The following VPS13C variants were observed in gnomAD, a reference collection of about 807,000 sequenced individuals.
The protein encoded by VPS13C is intermembrane lipid transfer protein VPS13C.
In VPS13C, 358 loss-of-function variants were observed where a neutral mutation model predicts 456.8. The observed-to-expected ratio is 0.78, with a 90% CI of 0.72 to 0.86. VPS13C has a LOEUF of 0.86. Among genes scored for constraint, VPS13C ranks in the 40% least tolerant of loss-of-function variants. The pLI is 0.00. For missense variants in VPS13C, 4,818 were observed against 4,385.4 expected (o/e 1.10, Z -2.79); for synonymous variants, 1,578 against 1,486.7 (o/e 1.06, Z -1.41).
At chr15:61,854,706 A>G in intron 84 of VPS13C, 148 bp from the exon 85 acceptor site, 1 of 1,032,746 alleles carries the variant, frequency 9.7e-7, no homozygotes. Context: ...TCATATAAAA[A>G]TAAGACCCTT....
At chr15:61,941,349 C>T (rs903056749) in intron 46 of VPS13C, among the ~76,000 whole-genome samples, 3 of 151,948 alleles carry the variant, frequency 2.0e-5, no homozygotes, top group Non-Finnish European at 4.4e-5. Context: ...CTAATCCTTT[C>T]GATAACTCAC....
rs1188297798 is a variant in VPS13C, at chr15:62,013,977, A to G, written c.700T>C (p.Trp234Arg). 1.9e-6 allele frequency: 3 copies of G among 1,610,498 alleles called. No individual in the cohort carries two copies. In the Admixed American group the frequency reaches 5.0e-5, roughly 27 times the overall value. ...GCTTCATTTAATATGCATGGAGTCC[A>G]GTGTTCATTTGCAGTCTAAAAGAAA... ...ELSLLTANEH[W>R]TPCILNEADK... The change falls in exon 10 of 85, where the codon TGG (tryptophan) becomes CGG (arginine). Residue 234 changes from tryptophan to arginine, a missense_variant. Physicochemically the swap from Trp to Arg is moderately radical, Grantham distance 101. This residue lies in a region of VPS13C where 4,552 missense variants were observed against 4,130.6 expected (regional missense o/e 1.10). Transcript: ENST00000644861.
chr15:61,980,212 AAGAG>A (rs1567069459), intron 22 of VPS13C, among the ~76,000 whole-genome samples: 2 of 139,710 alleles, frequency 1.4e-5, no homozygotes, highest in African/African-American at 5.1e-5. Flanking sequence ...AAAAAAAAAA[AAGAG>A]AGAGAGAGAT....
intron 82 of VPS13C, among the ~76,000 whole-genome samples, chr15:61,859,859 A>G (rs62009074): frequency 0.068 from 10,361 of 151,992 alleles, 395 homozygotes; most frequent in Non-Finnish European, 0.08. Flanking sequence ...AAGTCTGCTC[A>G]ATAATGAATT....
chr15:61,936,703 T>C lies in VPS13C; in HGVS notation c.5649A>G (p.Leu1883=), dbSNP rs1257066092. The C allele has an allele frequency of 1.9e-6, 3 of 1,613,668 alleles. No homozygotes were observed. Among genetic ancestry groups the C allele is most frequent in the Non-Finnish European group, 2.5e-6 (3 of 1,179,816 alleles). Reference sequence around the variant, plus strand: ...GTGAGGAAGCTTCTCCAAGATTTTCTAGCAAAATTTTCATTAAAACTGTCA... The same window carrying C: ...GTGAGGAAGCTTCTCCAAGATTTTCCAGCAAAATTTTCATTAAAACTGTCA... ...DDLTVLMKIL[L]ENLGEASSQP... is the part of the protein sequence containing the mutation. Residue 1883 remains leucine (L), a synonymous_variant, in exon 48 of 85, where the codon CTA becomes CTG. Transcript: ENST00000644861.
In VPS13C at chr15:61,940,726, G is replaced by C; in HGVS notation, c.5522C>G (p.Ser1841Cys). 1 of 1,613,710 alleles carries C rather than the reference G, an allele frequency of 6.2e-7. No individual in the cohort carries two copies. Among genetic ancestry groups the C allele is most frequent in the South Asian group, 1.1e-5 (1 of 90,980 alleles). The change falls in exon 47 of 85, where the codon TCC becomes TGC. Residue 1841 changes from serine (S) to cysteine (C), a missense_variant. By Grantham distance (112) the Ser-to-Cys change is moderately radical. Coordinates refer to ENST00000644861, the MANE Select transcript of VPS13C (RefSeq NM_020821.3). Reference protein sequence around the residue: ...EILKPVNMLLSIQRNLAAAWY... With the variant: ...EILKPVNMLLCIQRNLAAAWY... ...TGCTGCTGCTAAGTTTCGCTGTATG[G>C]ACAAAAGCATGTTGACTGGTTTTAA...
At position 61,942,031 on chromosome 15, in the gene VPS13C, A is replaced by C. The variant is rs370438226; in HGVS notation, c.5185T>G (p.Leu1729Val). The C allele has an allele frequency of 7.9e-5, 127 of 1,606,898 alleles. No homozygotes were observed. Among genetic ancestry groups the C allele is most frequent in the Middle Eastern group, 5.0e-4 (3 of 6,044 alleles). ...GCAGCCTGGACTGTGGCTGTACTCA[A>C]AGCTTCTTTAGCAGTTTGGAAATTG... ...LNNFQTAKEA[L>V]STATVQAAER... Residue 1729 changes from leucine to valine, a missense_variant, in exon 46 of 85, where the codon TTG (leucine) becomes GTG (valine). Leu to Val is a conservative substitution (Grantham distance 32, BLOSUM62 1). Coordinates refer to ENST00000644861, the MANE Select transcript of VPS13C (RefSeq NM_020821.3).
rs1893800683 is a variant in VPS13C at position 61,854,492 on chromosome 15, A to T, written c.11227T>A (p.Ser3743Thr). 2 of 1,614,168 alleles carry T rather than the reference A, an allele frequency of 1.2e-6. No individual in the cohort carries two copies. Among genetic ancestry groups the T allele is most frequent in the African/African-American group, 2.7e-5 (2 of 75,054 alleles). Residue 3743 changes from serine to threonine, a missense_variant, in exon 85 of 85, where the codon TCA becomes ACA. Transcript: ENST00000644861. ...RQQQKLMKQS[S>T]VRLLRPQLPS The stretch of plus-strand genomic sequence containing the variant: ...AATTGGGGTCTGAGAAGTCTCACTG[A>T]TGACTGCTTCATCAATTTTTGCTGC...
chr15:61,972,799 A>C, intron 26 of VPS13C, 35 bp from the exon 27 acceptor site: 1 of 1,569,744 alleles, frequency 6.4e-7, no homozygotes, highest in Non-Finnish European at 8.6e-7. Context: ...ATCTGAGACA[A>C]TGTACATTGA....
chr15:61,906,135 C>T (rs1334727764), intron 66 of VPS13C, among the ~76,000 whole-genome samples: 1 of 152,034 alleles, frequency 6.6e-6, no homozygotes, highest in African/African-American at 2.4e-5. Flanking sequence ...CTGTGTAAAC[C>T]TAGTGTTTGC....
intron 1 of VPS13C, among the ~76,000 whole-genome samples, chr15:62,057,978 T>G (rs532912925): frequency 1.2e-4 from 19 of 152,234 alleles, no homozygotes; most frequent in Non-Finnish European, 2.1e-4. Context: ...CGTTTTATCT[T>G]TTTAAAAAGA....
In VPS13C at chr15:62,036,551, G is replaced by A. The variant is rs536263247; in HGVS notation, c.188-1499C>T. 7.2e-5 allele frequency among the ~76,000 whole-genome samples: 11 copies of A among 151,916 alleles called. No homozygotes were observed. The East Asian group carries it at 2.1e-3, about 29-fold the overall frequency. On this transcript the variant is annotated intron_variant, in intron 3 of 84. Transcript: ENST00000644861. ...GTCACGGGAAGTCTACAACGCTCTGGGTCATTTCTAAGTCCAGTGATTTTA... is the reference window on the plus strand; with the variant it reads ...GTCACGGGAAGTCTACAACGCTCTGAGTCATTTCTAAGTCCAGTGATTTTA...
intron 6 of VPS13C, 137 bp downstream of exon 6, chr15:62,028,221 G>T: frequency 1.3e-6 from 1 of 771,956 alleles, no homozygotes; most frequent in Non-Finnish European, 2.1e-6. Context: ...AGGAAATGAT[G>T]GTAGAGGGGG....
At chr15:61,879,550 ATTG>A (rs1433915614) in intron 73 of VPS13C, 1 of 152,098 alleles carries the variant, frequency 6.6e-6, no homozygotes, top group Non-Finnish European at 1.5e-5. Flanking sequence ...TATGAAAATA[ATTG>A]TTGTTCATAA....
intron 25 of VPS13C, 104 bp downstream of exon 25, chr15:61,974,184 G>A (rs948156608): frequency 1.7e-6 from 2 of 1,146,182 alleles, no homozygotes; most frequent in African/African-American, 1.6e-5. Flanking sequence ...TTTCATTTCT[G>A]TACTTTTGGT....
chr15:61,979,754 G>A (rs1456841124), intron 22 of VPS13C, among the ~76,000 whole-genome samples: 1 of 152,146 alleles, frequency 6.6e-6, no homozygotes, highest in Non-Finnish European at 1.5e-5. Flanking sequence ...TTAAAGCTGA[G>A]CAAACTTTTT....
chr15:61,918,190 C>A lies in VPS13C; in HGVS notation c.7706G>T (p.Arg2569Leu), dbSNP rs771908102. 4 of 1,599,702 alleles carry A rather than the reference C, an allele frequency of 2.5e-6. No homozygotes were observed. The highest frequency in any genetic ancestry group is 3.4e-6 in the Non-Finnish European group (4 of 1,174,536). Reference protein sequence around the residue: ...KFVKNVKLLERIGIARPEEEF... With the variant: ...KFVKNVKLLELIGIARPEEEF... Reference sequence around the variant, plus strand: ...CTCTTCAGGTCTGGCTATCCCAATGCGCTCCAATAGCTTAACATTCTTAAC... The same window carrying A: ...CTCTTCAGGTCTGGCTATCCCAATGAGCTCCAATAGCTTAACATTCTTAAC... Residue 2569 changes from arginine to leucine, a missense_variant, in exon 59 of 85, where the codon CGC becomes CTC. By Grantham distance (102) the Arg-to-Leu change is moderately radical (BLOSUM62 -2). Transcript: ENST00000644861.
intron 5 of VPS13C, among the ~76,000 whole-genome samples, chr15:62,029,865 TA>T (rs1263411840): frequency 2.0e-5 from 3 of 152,078 alleles, no homozygotes; most frequent in African/African-American, 7.2e-5. Context: ...CATTCAGCCT[TA>T]AAAGAATTTT....
Position 62,010,513 on chromosome 15 carries a change from T to C in VPS13C, c.970A>G (p.Ile324Val), listed in dbSNP as rs756246486. The change falls in exon 13 of 85, where the codon ATA becomes GTA. Residue 324 changes from isoleucine to valine, a missense_variant. Coordinates refer to ENST00000644861, the MANE Select transcript of VPS13C (RefSeq NM_020821.3). Reference sequence around the variant, plus strand: ...TCAATGGCAATATTTTGTATTTCTATGTTGCAATCCAGTTTGGGCGTTTTG... The same window carrying C: ...TCAATGGCAATATTTTGTATTTCTACGTTGCAATCCAGTTTGGGCGTTTTG... Reference protein sequence around the residue: ...ELKTPKLDCNIEIQNIAIELT... With the variant: ...ELKTPKLDCNVEIQNIAIELT... The C allele has an allele frequency of 5.7e-5, 92 of 1,613,326 alleles. No individual in the cohort carries two copies. The highest frequency in any genetic ancestry group is 7.5e-5 in the Non-Finnish European group (89 of 1,179,750).
Sources: gnomAD v4.1 joint callset for allele counts (sites outside exome capture counted in the v4.1 genomes callset) on GRCh38, gnomAD v4.1.1 for gene constraint, gnomAD v4.1.1 regional missense constraint, MANE v1.5 for transcripts, NCBI Gene and HGNC (gene_info 2026-07-23, HGNC 2026-07-21) for gene names.